Variants in TBC1D5 observed in about 807,000 individuals in gnomAD.
TBC1D5 encodes the protein TBC1 domain family member 5, also known as TBC1 domain family, member 5.
Under a neutral mutation model 100.3 loss-of-function variants are expected in TBC1D5, and 75 were observed. That is an observed-to-expected ratio of 0.75 (90% confidence interval 0.62 to 0.91). The LOEUF (loss-of-function observed/expected upper bound fraction) is 0.91. Among genes scored for constraint, TBC1D5 ranks in the 40% least tolerant of loss-of-function variants. The probability of loss-of-function intolerance (pLI) is 0.00; values close to 1 mark genes in which losing one functional copy is unlikely to be tolerated. For synonymous variants in TBC1D5, 323 were observed against 325.6 expected (o/e 0.99, Z 0.09); for missense variants, 910 against 942.4 (o/e 0.97, Z 0.45).
chr3:17,458,645 T>C (rs953804397), intron 3 of TBC1D5, among the ~76,000 whole-genome samples: 1 of 152,160 alleles, frequency 6.6e-6, no homozygotes, highest in African/African-American at 2.4e-5. Context: ...CAGGTATTTG[T>C]CTCTAGATTC....
intron 17 of TBC1D5, among the ~76,000 whole-genome samples, chr3:17,215,526 G>C (rs1375582305): frequency 6.6e-6 from 1 of 152,128 alleles, no homozygotes; most frequent in Admixed American, 6.6e-5. Flanking sequence ...ATGGTGCCTA[G>C]TCAGATATCC....
chr3:17,734,948 C>G (rs535768488), intron 1 of TBC1D5, among the ~76,000 whole-genome samples: 2 of 151,522 alleles, frequency 1.3e-5, no homozygotes, highest in South Asian at 4.2e-4. Flanking sequence ...ATTTAATTAG[C>G]TGGGCATGGT....
intron 17 of TBC1D5, among the ~76,000 whole-genome samples, chr3:17,225,899 A>C (rs2074836179): frequency 6.6e-6 from 1 of 152,120 alleles, no homozygotes; most frequent in Non-Finnish European, 1.5e-5. Flanking sequence ...ATTTGGTATT[A>C]TAGGTAATCT....
intron 19 of TBC1D5, among the ~76,000 whole-genome samples, chr3:17,180,718 A>G (rs1233403551): frequency 1.3e-5 from 2 of 152,162 alleles, no homozygotes; most frequent in Non-Finnish European, 2.9e-5. Context: ...GGAGCTAAAT[A>G]ATGTGTATAT....
chr3:17,214,471 A>AGG, intron 17 of TBC1D5, 101 bp from the exon 19 acceptor site: 1 of 1,200,580 alleles, frequency 8.3e-7, no homozygotes, highest in South Asian at 1.5e-5. Flanking sequence ...TGATGCCACT[A>AGG]GGTTGATACT....
At chr3:17,333,622 C>A (rs1177726618) in intron 13 of TBC1D5, among the ~76,000 whole-genome samples, 1 of 152,062 alleles carries the variant, frequency 6.6e-6, no homozygotes, top group Non-Finnish European at 1.5e-5. Context: ...TGGAAGGGAG[C>A]AGAGAGATGC....
chr3:17,337,779 T>A (rs1033195547), intron 13 of TBC1D5: 30 of 152,338 alleles, frequency 2.0e-4, no homozygotes, highest in African/African-American at 7.2e-4. Context: ...CTACGCCATA[T>A]TTTTACAATA....
At chr3:17,550,012 T>C (rs1217429061) in intron 2 of TBC1D5, among the ~76,000 whole-genome samples, 1 of 151,632 alleles carries the variant, frequency 6.6e-6, no homozygotes, top group South Asian at 2.1e-4. Context: ...GCAAAGTGGA[T>C]TGTCATGTGA....
At chr3:17,451,474 G>A (rs2094925987) in intron 3 of TBC1D5, among the ~76,000 whole-genome samples, 1 of 152,250 alleles carries the variant, frequency 6.6e-6, no homozygotes, top group East Asian at 1.9e-4. Flanking sequence ...AGTTAGAATG[G>A]TGATCATCAA....
At chr3:17,733,600 T>A (rs1295034892) in intron 1 of TBC1D5, among the ~76,000 whole-genome samples, 1 of 152,078 alleles carries the variant, frequency 6.6e-6, no homozygotes, top group East Asian at 1.9e-4. Context: ...GCTAGAAGGG[T>A]CCTTAGAGAT....
chr3:17,344,641 G>A (rs1250140515), intron 13 of TBC1D5, among the ~76,000 whole-genome samples: 3 of 152,194 alleles, frequency 2.0e-5, no homozygotes, highest in Non-Finnish European at 2.9e-5. Context: ...GAAGCTGGAG[G>A]CATCATGCTA....
At chr3:17,315,545 A>T (rs147018822) in intron 13 of TBC1D5, among the ~76,000 whole-genome samples, 70 of 152,368 alleles carry the variant, frequency 4.6e-4, no homozygotes, top group African/African-American at 1.6e-3. Context: ...CCCTAAAATA[A>T]AACATGCATT....
rs576293599 is a variant in TBC1D5 at position 17,205,705 on chromosome 3, G to T, written c.1752+8502C>A. ...AGGAGTGGGCATGGAATTTAATTCT[G>T]GTCAGTGATATGGGAAGGAAAGCCT... is the stretch of plus-strand genomic sequence containing the variant. On this transcript the variant is annotated intron_variant, in intron 18 of 21. Transcript: ENST00000253692. 3.9e-5 allele frequency among the ~76,000 whole-genome samples: 6 copies of T among 152,222 alleles called. No homozygotes were observed. The East Asian group carries it at 9.6e-4, about 24-fold the overall frequency.
intron 2 of TBC1D5, among the ~76,000 whole-genome samples, chr3:17,584,832 A>G (rs1055019424): frequency 6.6e-6 from 1 of 151,980 alleles, no homozygotes; most frequent in Non-Finnish European, 1.5e-5. Context: ...AGTTTTTTGT[A>G]TTTTTAGTAG....
chr3:17,220,837 CA>C (rs1309153924), intron 17 of TBC1D5, among the ~76,000 whole-genome samples: 1 of 151,972 alleles, frequency 6.6e-6, no homozygotes, highest in Non-Finnish European at 1.5e-5. Context: ...GAACAAAAGA[CA>C]AATCAAGAAG....
chr3:17,237,740 T>C (rs947808724), intron 17 of TBC1D5, among the ~76,000 whole-genome samples: 2 of 152,268 alleles, frequency 1.3e-5, no homozygotes, highest in Non-Finnish European at 2.9e-5. Context: ...GCAAGCCTAG[T>C]GGCCCACTTT....
intron 3 of TBC1D5, among the ~76,000 whole-genome samples, chr3:17,440,643 G>A (rs1205721185): frequency 6.6e-6 from 1 of 151,816 alleles, no homozygotes; most frequent in Admixed American, 6.6e-5. Flanking sequence ...TTTTTGTTTT[G>A]TTTTGTTTTG....
At chr3:17,741,072 T>C (rs1327582311), upstream of TBC1D5, among the ~76,000 whole-genome samples, 1 of 152,232 alleles carries the variant, frequency 6.6e-6, no homozygotes, top group Non-Finnish European at 1.5e-5. Context: ...AACATGTTTA[T>C]TGATAAATAC....
chr3:17,287,656 G>A (rs1360074890), intron 15 of TBC1D5, among the ~76,000 whole-genome samples: 1 of 152,136 alleles, frequency 6.6e-6, no homozygotes, highest in Non-Finnish European at 1.5e-5. Flanking sequence ...AAACTATGAA[G>A]GAGTATGATC....
Sources: allele counts gnomAD v4.1 joint callset (sites outside exome capture counted in the v4.1 genomes callset), GRCh38; gene constraint gnomAD v4.1.1; transcripts MANE v1.5; gene names NCBI Gene and HGNC (gene_info 2026-07-23, HGNC 2026-07-21).